The following RTEL1 variants were observed in gnomAD, a reference collection of about 807,000 sequenced individuals.
RTEL1 encodes the protein regulator of telomere elongation helicase 1, also known as regulator of telomere length.
RTEL1 carries 86 observed loss-of-function variants against 162.2 expected under a neutral mutation model. That is an observed-to-expected ratio of 0.53 (90% CI 0.45 to 0.63). RTEL1 has a LOEUF of 0.63. RTEL1 is among the 30% of genes least tolerant of loss of function. The probability of loss-of-function intolerance (pLI) is 0.00; values close to 1 mark genes in which losing one functional copy is unlikely to be tolerated. For missense variants in RTEL1, 1,941 were observed against 1,750.2 expected, an observed-to-expected ratio of 1.11 and a Z score of -1.95; for synonymous variants, 958 against 717.9, an observed-to-expected ratio of 1.33 and a Z score of -5.35.
chr20:63,682,560 G>A (rs1471802089), intron 14 of RTEL1: 3 of 985,902 alleles, frequency 3.0e-6, no homozygotes, highest in Non-Finnish European at 3.6e-6. Context: ...GCTCTAAGTA[G>A]CCGCTGGTGG....
At chr20:63,687,590 C>T (rs1482749869) in intron 16 of RTEL1, 48 bp from the exon 17 acceptor site, 10 of 1,548,086 alleles carry the variant, frequency 6.5e-6, no homozygotes, top group African/African-American at 2.7e-5. Flanking sequence ...GTCAGGCCCC[C>T]AGTCCCGTCC....
chr20:63,659,596 G>A, intron 2 of RTEL1, 92 bp downstream of exon 2: 1 of 931,146 alleles, frequency 1.1e-6, no homozygotes, highest in Non-Finnish European at 1.8e-6. Context: ...TTCCAGCCAG[G>A]CCCCTCCGGG....
chr20:63,690,499 G>A, intron 26 of RTEL1, 58 bp downstream of exon 26: 2 of 1,362,086 alleles, frequency 1.5e-6, no homozygotes, highest in Non-Finnish European at 2.0e-6. Flanking sequence ...GCGGCGTGGG[G>A]CGGGCAGCAC....
intron 16 of RTEL1, chr20:63,686,129 C>G: frequency 1.8e-6 from 1 of 563,168 alleles, no homozygotes; most frequent in Non-Finnish European, 3.2e-6. Flanking sequence ...AGCCACAGCC[C>G]AGCCAGGCCT....
In RTEL1 at chr20:63,693,145, T is replaced by C. The variant is rs1601184120; in HGVS notation, c.2854T>C (p.Phe952Leu). ...GACAGACGCCCCTTCCTCTACAGGC[T>C]TCTACCAGTTTGTGCGGCCCCACCA... Reference protein sequence around the residue: ...DPKKHNLLQGFYQFVRPHHKQ... With the variant: ...DPKKHNLLQGLYQFVRPHHKQ... Residue 952 changes from phenylalanine to leucine, a missense_variant and splice_region_variant, in exon 30 of 35, where the codon TTC (phenylalanine) becomes CTC (leucine). Transcript: ENST00000360203. The C allele has an allele frequency of 1.2e-6, 2 of 1,612,218 alleles. No homozygotes were observed. Among genetic ancestry groups the C allele is most frequent in the Non-Finnish European group, 1.7e-6 (2 of 1,179,582 alleles).
chr20:63,686,138 C>T (rs1044270164), intron 16 of RTEL1: 1 of 554,032 alleles, frequency 1.8e-6, no homozygotes, highest in Non-Finnish European at 3.3e-6. Flanking sequence ...CCAGCCAGGC[C>T]TCCCTGCTGG....
intron 16 of RTEL1, chr20:63,686,256 A>G: frequency 3.4e-6 from 1 of 296,440 alleles, no homozygotes; most frequent in Non-Finnish European, 6.5e-6. Flanking sequence ...TCAGGGTCAC[A>G]TCTGAAGGGG....
chr20:63,663,250 C>T (rs1051317878), intron 6 of RTEL1, among the ~76,000 whole-genome samples: 1 of 152,220 alleles, frequency 6.6e-6, no homozygotes, highest in African/African-American at 2.4e-5. Context: ...GTTGCTTGCC[C>T]AGCAGCAGGT....
chr20:63,693,189 G>C lies in RTEL1; in HGVS notation c.2898G>C (p.Glu966Asp), dbSNP rs115464632. 9.9e-4 allele frequency: 1,593 copies of C among 1,612,174 alleles called. 12 individuals carry two copies. In the African/African-American group the frequency reaches 0.019, roughly 19 times the overall value. The change falls in exon 30 of 35, where the codon GAG becomes GAC. Residue 966 changes from glutamate to aspartate, a missense_variant. Coordinates refer to ENST00000360203, the MANE Select transcript of RTEL1 (RefSeq NM_001283009.2). Reference sequence around the variant, plus strand: ...CCCACCATAAGCAGCAGTTTGAGGAGGTCTGTATCCAGCTGACAGGACGAG... The same window carrying C: ...CCCACCATAAGCAGCAGTTTGAGGACGTCTGTATCCAGCTGACAGGACGAG... The part of the protein sequence containing the change: ...VRPHHKQQFE[E>D]VCIQLTGRGC...
intron 28 of RTEL1, chr20:63,692,156 T>C (rs776072747): frequency 7.0e-6 from 2 of 286,528 alleles, no homozygotes; most frequent in Non-Finnish European, 1.3e-5. Context: ...AGCCCATTCC[T>C]AGCCTTGGAT....
At chr20:63,690,047 C>A (rs774451224) in intron 24 of RTEL1, 40 bp from the exon 25 acceptor site, 7 of 1,596,996 alleles carry the variant, frequency 4.4e-6, no homozygotes, top group Non-Finnish European at 5.1e-6. Flanking sequence ...ACCCTTGAAG[C>A]GGCTGTGGGC....
At chr20:63,683,716 C>T (rs1289487745) in intron 14 of RTEL1, among the ~76,000 whole-genome samples, 2 of 152,184 alleles carry the variant, frequency 1.3e-5, no homozygotes, top group African/African-American at 4.8e-5. Flanking sequence ...GGCCACATTG[C>T]TGAGCCTGTT....
At position 63,668,433 on chromosome 20, in the gene RTEL1, A is replaced by G. The variant is rs1174711520; in HGVS notation, c.699+880A>G. On this transcript the variant is annotated intron_variant, in intron 8 of 34. Transcript: ENST00000360203. The surrounding 1 kb of genome is among the most constrained non-coding windows in gnomAD (Gnocchi z 4.3). ...TGATTCTAGTGGTGGGGACAGGTGG[A>G]CAGCAAAAGAGTAAGCACGTGAGCT... Among the ~76,000 whole-genome samples the G allele has an allele frequency of 3.9e-5, 6 of 152,160 alleles. No homozygotes were observed. Among genetic ancestry groups the G allele is most frequent in the Admixed American group, 2.0e-4 (3 of 15,274 alleles).
intron 7 of RTEL1, 132 bp from the exon 8 acceptor site, chr20:63,667,337 C>T: frequency 1.3e-6 from 1 of 745,558 alleles, no homozygotes; most frequent in Non-Finnish European, 2.4e-6. Context: ...TCCCATCCAT[C>T]CCAGGCAGCA....
intron 16 of RTEL1, 59 bp downstream of exon 16, chr20:63,685,931 T>G: frequency 6.6e-7 from 1 of 1,512,282 alleles, no homozygotes; most frequent in Admixed American, 1.8e-5. Context: ...GGCACCACCA[T>G]GCCACAGGCT....
intron 30 of RTEL1, among the ~76,000 whole-genome samples, chr20:63,693,726 ACCACCT>A (rs1568721673): frequency 3.7e-5 from 1 of 27,014 alleles, no homozygotes; most frequent in East Asian, 8.1e-4. Context: ...CACCTGCACC[ACCACCT>A]CCACCTCCAC....
Position 63,695,058 on chromosome 20 carries a change from C to G in RTEL1, c.3344-8C>G, listed in dbSNP as rs766622418. 3 of 1,611,840 alleles carry G rather than the reference C, an allele frequency of 1.9e-6. No homozygotes were observed. The South Asian group carries it at 3.3e-5, about 18-fold the overall frequency. ...GGCTGTGCCGGGTCTGATTGAAGCTCCCCGCAGGGTTCAGCATGTTTGTGC... is the reference window on the plus strand; with the variant it reads ...GGCTGTGCCGGGTCTGATTGAAGCTGCCCGCAGGGTTCAGCATGTTTGTGC... On this transcript the variant is annotated splice_polypyrimidine_tract_variant and splice_region_variant and intron_variant, in intron 32 of 34. Coordinates refer to ENST00000360203, the MANE Select transcript of RTEL1 (RefSeq NM_001283009.2).
At position 63,694,961 on chromosome 20, in the gene RTEL1, C is replaced by A. The variant is rs779425045; in HGVS notation, c.3330C>A (p.Phe1110Leu). The A allele has an allele frequency of 1.2e-6, 2 of 1,612,372 alleles. No homozygotes were observed. The highest frequency in any genetic ancestry group is 1.7e-5 in the Admixed American group (1 of 59,994). The part of the protein sequence containing the change: ...AALTTAKPED[F>L]PLLHRFSMFV... Reference sequence around the variant, plus strand: ...TGACCACTGCAAAGCCAGAGGACTTCCCCCTGCTGCACAGCAAGTGGCCCT... The same window carrying A: ...TGACCACTGCAAAGCCAGAGGACTTACCCCTGCTGCACAGCAAGTGGCCCT... Residue 1110 changes from phenylalanine (F) to leucine (L), a missense_variant, in exon 32 of 35, where the codon TTC becomes TTA. By Grantham distance (22) the Phe-to-Leu change is conservative. Transcript: ENST00000360203.
Position 63,661,601 on chromosome 20 carries a change from C to A in RTEL1, c.301+105C>A. The A allele has an allele frequency of 1.7e-6, 2 of 1,201,308 alleles. No homozygotes were observed. The highest frequency in any genetic ancestry group is 2.3e-6 in the Non-Finnish European group (2 of 863,178). The allele number at this position is 1,201,308 out of a possible 1,614,324, so 74.4% of individuals were successfully genotyped here. The stretch of plus-strand genomic sequence containing the variant: ...ATGGGGACTCCTGCCGTCTCTCAAG[C>A]AGAACTCAAGGAGAATTTTTTAGCT... On this transcript the variant is annotated intron_variant, in intron 3 of 34. Transcript: ENST00000360203. This position sits in a 1 kb window ranked among gnomAD's most constrained non-coding sequence, Gnocchi z 5.1.
Sources: gnomAD v4.1 joint callset for allele counts (sites outside exome capture counted in the v4.1 genomes callset) on GRCh38, gnomAD v4.1.1 for gene constraint, Gnocchi (gnomAD v3.1) non-coding constraint, MANE v1.5 for transcripts, NCBI Gene and HGNC (gene_info 2026-07-23, HGNC 2026-07-21) for gene names.